Variants in HACL2 observed in about 807,000 individuals in gnomAD.
The protein encoded by HACL2 is 2-hydroxyacyl-CoA lyase 2, also known as 2-hydroxyacyl-CoA lyase 1 like.
chr19:15,124,943 GA>G, the HACL2 span: 1 of 1,607,772 alleles, frequency 6.2e-7, no homozygotes, highest in Non-Finnish European at 8.5e-7. Flanking sequence ...GCAGCTGATA[GA>G]AGAGCCCCAG....
At chr19:15,118,160 C>T in the HACL2 span, 5 of 964,844 alleles carry the variant, frequency 5.2e-6, no homozygotes, top group Non-Finnish European at 7.8e-6. Flanking sequence ...CCTTGCAGCT[C>T]CCCACACCCC....
the HACL2 span, chr19:15,119,638 C>T: frequency 2.4e-6 from 2 of 826,262 alleles, no homozygotes; most frequent in Non-Finnish European, 3.8e-6. Flanking sequence ...GCAGCCTCCA[C>T]CTCCCAGGTT....
At chr19:15,119,365 C>T in the HACL2 span, 10 of 1,610,396 alleles carry the variant, frequency 6.2e-6, no homozygotes, top group East Asian at 2.2e-5. Context: ...CAAGAGCACC[C>T]GAGGACTGGG....
At chr19:15,120,143 A>G in the HACL2 span, 3 of 1,120,286 alleles carry the variant, frequency 2.7e-6, no homozygotes, top group South Asian at 4.2e-5. Flanking sequence ...GGATTCCAGG[A>G]TCTGAGCAAG....
the HACL2 span, chr19:15,115,686 T>G: frequency 6.2e-7 from 1 of 1,609,170 alleles, no homozygotes; most frequent in South Asian, 1.1e-5. Flanking sequence ...AGGAAGATGA[T>G]GAAGGCAGGC....
chr19:15,116,720 A>G, the HACL2 span: 7 of 578,732 alleles, frequency 1.2e-5, no homozygotes, highest in Admixed American at 1.6e-4. Context: ...CCAGGTGAAA[A>G]GGGAAGACAA....
chr19:15,117,850 C>A, the HACL2 span: 1 of 1,613,348 alleles, frequency 6.2e-7, no homozygotes, highest in Non-Finnish European at 8.5e-7. Flanking sequence ...GGGAGGAGCA[C>A]ATATGTGTAC....
the HACL2 span, chr19:15,123,730 G>A: frequency 9.6e-6 from 6 of 626,730 alleles, no homozygotes; most frequent in Non-Finnish European, 1.4e-5. The surrounding 1 kb of genome is among the most constrained non-coding windows in gnomAD (Gnocchi z 5.1). Context: ...TATACTACAT[G>A]CCAGGCTCAA....
the HACL2 span, chr19:15,115,901 G>T: frequency 6.2e-7 from 1 of 1,614,114 alleles, no homozygotes; most frequent in East Asian, 2.2e-5. Flanking sequence ...CAAAAGCTCC[G>T]TCCCCAAACA....
At chr19:15,117,692 T>A in the HACL2 span, 1 of 571,340 alleles carries the variant, frequency 1.8e-6, no homozygotes, top group Non-Finnish European at 3.0e-6. Context: ...AAAATAAAAA[T>A]AAAAAAAATT....
chr19:15,119,407 G>A, the HACL2 span: 21 of 1,613,854 alleles, frequency 1.3e-5, no homozygotes, highest in African/African-American at 2.7e-4. Context: ...GGCAGGGCTG[G>A]CGCTTCTCAC....
At chr19:15,119,968 G>C in the HACL2 span, 17 of 1,535,524 alleles carry the variant, frequency 1.1e-5, no homozygotes, top group Non-Finnish European at 1.5e-5. Flanking sequence ...AGACACAAAA[G>C]AGAGGCAATT....
the HACL2 span, chr19:15,119,148 GAAGA>G: frequency 6.5e-7 from 1 of 1,528,454 alleles, no homozygotes; most frequent in Admixed American, 2.1e-5. Flanking sequence ...GGAGGGAAAG[GAAGA>G]GGCTCAGGCC....
the HACL2 span, chr19:15,124,596 C>A: frequency 2.9e-6 from 1 of 343,704 alleles, no homozygotes; most frequent in Non-Finnish European, 5.3e-6. Flanking sequence ...CTGGAGCCTG[C>A]CCTCTGCCCC....
chr19:15,122,830 T>C, the HACL2 span: 53 of 1,613,362 alleles, frequency 3.3e-5, no homozygotes, highest in Non-Finnish European at 4.2e-5. The surrounding 1 kb of genome is among the most constrained non-coding windows in gnomAD (Gnocchi z 4.0). Context: ...GGACGCTGAG[T>C]CCATAACATG....
the HACL2 span, chr19:15,115,232 G>A: frequency 4.3e-6 from 7 of 1,613,850 alleles, no homozygotes; most frequent in Admixed American, 1.7e-5. Context: ...AGGCAGCCAA[G>A]CGTCCTGACC....
At chr19:15,121,739 G>C in the HACL2 span, among the ~76,000 whole-genome samples, 2 of 150,712 alleles carry the variant, frequency 1.3e-5, no homozygotes, top group African/African-American at 2.4e-5. Flanking sequence ...AACCCAGGGG[G>C]AGGCGGAGGT....
the HACL2 span, chr19:15,119,121 G>C: frequency 6.6e-7 from 1 of 1,518,478 alleles, no homozygotes; most frequent in Non-Finnish European, 8.8e-7. Context: ...AACAGGGTGA[G>C]GGGGTTCCTG....
the HACL2 span, chr19:15,124,826 C>G: frequency 2.7e-6 from 4 of 1,474,974 alleles, no homozygotes; most frequent in South Asian, 3.9e-5. Context: ...AGTCGGGGCT[C>G]GCTTTCCCAC....
Sources: allele counts gnomAD v4.1 joint callset (sites outside exome capture counted in the v4.1 genomes callset), GRCh38; gene constraint gnomAD v4.1.1; non-coding constraint Gnocchi (gnomAD v3.1); transcripts MANE v1.5; gene names NCBI Gene and HGNC (gene_info 2026-07-23, HGNC 2026-07-21).